Variants in PRR16 observed in about 807,000 individuals in gnomAD.
PRR16 encodes the protein proline rich 16.
In PRR16, 6 loss-of-function variants were observed where a neutral mutation model predicts 18.2. The observed-to-expected ratio is 0.33, with a 90% CI of 0.18 to 0.65. The LOEUF is 0.65. Among genes scored for constraint, PRR16 ranks in the 30% least tolerant of loss-of-function variants. The pLI is 0.74. For synonymous variants in PRR16, 151 were observed against 147.8 expected (o/e 1.02, Z -0.16); for missense variants, 412 against 376.6 (o/e 1.09, Z -0.78).
chr5:120,512,756 C>T lies in PRR16; in HGVS notation c.159+48111C>T, dbSNP rs76543620. Among the ~76,000 whole-genome samples, 14 of 151,966 alleles carry T rather than the reference C, an allele frequency of 9.2e-5. No homozygotes were observed. The East Asian group carries it at 1.7e-3, about 19-fold the overall frequency. ...GAGGTTCAGGTTTTTGTCTTCACCA[C>T]GCAAAAAAATTTGAAAAGGAGACCA... On this transcript the variant is annotated intron_variant, in intron 1 of 1. Coordinates refer to ENST00000407149, the MANE Select transcript of PRR16 (RefSeq NM_001300783.2).
At chr5:120,717,428 A>G in the PRR16 span, among the ~76,000 whole-genome samples, 1 of 152,170 alleles carries the variant, frequency 6.6e-6, no homozygotes, top group African/African-American at 2.4e-5. Flanking sequence ...GTCTAAAGAA[A>G]CTCATGAATA....
intron 1 of PRR16, among the ~76,000 whole-genome samples, chr5:120,680,050 G>A (rs900313861): frequency 4.6e-5 from 7 of 152,184 alleles, no homozygotes; most frequent in South Asian, 2.1e-4. Context: ...ATGCTCATTC[G>A]TTCCACTGAA....
intron 1 of PRR16, among the ~76,000 whole-genome samples, chr5:120,684,511 T>A (rs1324664624): frequency 6.6e-6 from 1 of 152,200 alleles, no homozygotes; most frequent in Non-Finnish European, 1.5e-5. Flanking sequence ...GTGATGGAAA[T>A]GTGTGAAATG....
At chr5:120,789,703 A>T in the PRR16 span, among the ~76,000 whole-genome samples, 1 of 152,106 alleles carries the variant, frequency 6.6e-6, no homozygotes, top group Non-Finnish European at 1.5e-5. Context: ...AAGATCTTTT[A>T]ATTTAGGTAT....
chr5:120,500,303 C>T (rs1372921226), intron 1 of PRR16, among the ~76,000 whole-genome samples: 1 of 152,166 alleles, frequency 6.6e-6, no homozygotes, highest in South Asian at 2.1e-4. Context: ...CAAGGGAACT[C>T]ACCATCTCTT....
At chr5:120,573,224 GTA>G (rs751980532) in intron 1 of PRR16, among the ~76,000 whole-genome samples, 24 of 152,128 alleles carry the variant, frequency 1.6e-4, no homozygotes, top group Non-Finnish European at 3.1e-4. Context: ...TCTGGCCATT[GTA>G]TATGTTTCTG....
At chr5:120,653,675 G>A (rs17429498) in intron 1 of PRR16, among the ~76,000 whole-genome samples, 37,285 of 151,488 alleles carry the variant, frequency 0.25, 5,449 homozygotes, top group Middle Eastern at 0.37. Context: ...TAAATCAACT[G>A]TACAATGCTT....
At chr5:120,471,738 A>G (rs1051560654) in intron 1 of PRR16, among the ~76,000 whole-genome samples, 2 of 152,100 alleles carry the variant, frequency 1.3e-5, no homozygotes, top group African/African-American at 4.8e-5. Flanking sequence ...CATTAGGATA[A>G]TTACTCTGAA....
intron 1 of PRR16, among the ~76,000 whole-genome samples, chr5:120,639,282 A>G (rs1284211910): frequency 6.6e-6 from 1 of 152,084 alleles, no homozygotes; most frequent in Non-Finnish European, 1.5e-5. Context: ...AAATACACCT[A>G]AATTATAGTC....
chr5:120,480,523 A>AT (rs1045157813), intron 1 of PRR16, among the ~76,000 whole-genome samples: 8 of 152,230 alleles, frequency 5.3e-5, no homozygotes, highest in Non-Finnish European at 1.2e-4. Flanking sequence ...AAGTGAAGTC[A>AT]TACTTAGTAT....
chr5:120,477,002 G>C (rs1242169071), intron 1 of PRR16, among the ~76,000 whole-genome samples: 1 of 152,050 alleles, frequency 6.6e-6, no homozygotes, highest in Non-Finnish European at 1.5e-5. Context: ...AGCAGCAGTT[G>C]ACAGTCTCTT....
chr5:120,665,175 T>A (rs1363982686), intron 1 of PRR16, among the ~76,000 whole-genome samples: 1 of 131,566 alleles, frequency 7.6e-6, no homozygotes, highest in Non-Finnish European at 1.7e-5. Context: ...GGTATCTCAT[T>A]GTGGTTTTGA....
intron 1 of PRR16, among the ~76,000 whole-genome samples, chr5:120,598,240 C>G (rs1465272468): frequency 6.6e-6 from 1 of 151,698 alleles, no homozygotes; most frequent in Non-Finnish European, 1.5e-5. Flanking sequence ...ATTTCTTTTA[C>G]ATTAATGTAG....
At chr5:120,763,483 G>A in the PRR16 span, among the ~76,000 whole-genome samples, 1 of 151,914 alleles carries the variant, frequency 6.6e-6, no homozygotes, top group African/African-American at 2.4e-5. Flanking sequence ...TCCAAGGTAA[G>A]GTAATGTGAT....
chr5:120,493,549 T>G (rs1750138281), intron 1 of PRR16, among the ~76,000 whole-genome samples: 1 of 152,132 alleles, frequency 6.6e-6, no homozygotes, highest in Admixed American at 6.6e-5. Flanking sequence ...CCCAATTTCC[T>G]CCAGTGGTAA....
At chr5:120,546,591 A>G (rs1020867105) in intron 1 of PRR16, among the ~76,000 whole-genome samples, 1 of 152,168 alleles carries the variant, frequency 6.6e-6, no homozygotes, top group Non-Finnish European at 1.5e-5. Flanking sequence ...GACAGGTATC[A>G]TGATTTGTCA....
chr5:120,700,889 G>A, the PRR16 span, among the ~76,000 whole-genome samples: 17 of 152,164 alleles, frequency 1.1e-4, no homozygotes, highest in African/African-American at 3.1e-4. Context: ...GGAAGGAGTT[G>A]GTCAGAGAGC....
At chr5:120,585,299 T>G (rs1051517882) in intron 1 of PRR16, among the ~76,000 whole-genome samples, 1 of 152,074 alleles carries the variant, frequency 6.6e-6, no homozygotes, top group Admixed American at 6.5e-5. Flanking sequence ...AGGACAAGGT[T>G]TTCTGTTTGG....
At chr5:120,635,287 A>G (rs1484644877) in intron 1 of PRR16, among the ~76,000 whole-genome samples, 1 of 152,110 alleles carries the variant, frequency 6.6e-6, no homozygotes, top group Non-Finnish European at 1.5e-5. Flanking sequence ...TCACCCTAAT[A>G]CCAAAACCAG....
Sources: gnomAD v4.1 joint callset for allele counts (sites outside exome capture counted in the v4.1 genomes callset) on GRCh38, gnomAD v4.1.1 for gene constraint, MANE v1.5 for transcripts, NCBI Gene and HGNC (gene_info 2026-07-23, HGNC 2026-07-21) for gene names.